Variants in NCAM2 observed in about 807,000 individuals in gnomAD.
The protein encoded by NCAM2 is neural cell adhesion molecule 2.
NCAM2 carries 30 observed loss-of-function variants against 98.1 expected under a neutral mutation model. The observed-to-expected ratio is 0.31, with a 90% CI of 0.23 to 0.41. NCAM2 has a LOEUF of 0.41. Ranked by LOEUF, NCAM2 falls within the 10% of genes least tolerant of loss-of-function variation. The pLI is 1.00. For missense variants in NCAM2, 867 were observed against 1,005.8 expected (o/e 0.86, Z 1.87); for synonymous variants, 368 against 342.4 (o/e 1.07, Z -0.83).
chr21:21,478,023 A>C (rs1230652151), intron 15 of NCAM2, among the ~76,000 whole-genome samples: 1 of 152,188 alleles, frequency 6.6e-6, no homozygotes, highest in Non-Finnish European at 1.5e-5. Context: ...CCTTTGCAAC[A>C]CACTGGTTAG....
intron 1 of NCAM2, chr21:21,210,565 G>C: frequency 7.8e-7 from 1 of 1,288,516 alleles, no homozygotes; most frequent in Non-Finnish European, 1.0e-6. Context: ...TACCACGATG[G>C]TGAGATCTGA....
chr21:21,281,761 A>C (rs2147502391), intron 2 of NCAM2, among the ~76,000 whole-genome samples: 1 of 152,036 alleles, frequency 6.6e-6, no homozygotes, highest in Non-Finnish European at 1.5e-5. Context: ...ACACTAAATC[A>C]ACTTAAAACT....
At chr21:21,281,456 T>C (rs1223182662) in intron 2 of NCAM2, among the ~76,000 whole-genome samples, 1 of 152,156 alleles carries the variant, frequency 6.6e-6, no homozygotes, top group Non-Finnish European at 1.5e-5. Flanking sequence ...ACTAGATTTT[T>C]ATGACAATGG....
At chr21:21,073,941 G>C (rs926490350) in intron 1 of NCAM2, among the ~76,000 whole-genome samples, 1 of 152,098 alleles carries the variant, frequency 6.6e-6, no homozygotes, top group African/African-American at 2.4e-5. Flanking sequence ...ACTAGCAGAG[G>C]GTCAAAAACT....
chr21:21,475,071 A>C (rs1301500280), intron 14 of NCAM2, among the ~76,000 whole-genome samples: 3 of 151,600 alleles, frequency 2.0e-5, no homozygotes, highest in African/African-American at 7.2e-5. Context: ...ATTTTTAAAA[A>C]TTTATATGAA....
At chr21:21,373,736 C>A in intron 8 of NCAM2, 127 bp from the exon 9 acceptor site, 1 of 813,290 alleles carries the variant, frequency 1.2e-6, no homozygotes, top group Non-Finnish European at 1.8e-6. Context: ...ATACTTTCTA[C>A]ATCAGGAACA....
chr21:21,155,883 A>G (rs1165595224), intron 1 of NCAM2, among the ~76,000 whole-genome samples: 1 of 152,026 alleles, frequency 6.6e-6, no homozygotes, highest in Non-Finnish European at 1.5e-5. Flanking sequence ...ATACTAGCAG[A>G]TACTTTGGGA....
At chr21:21,402,891 A>C (rs1031942817) in intron 9 of NCAM2, among the ~76,000 whole-genome samples, 2 of 152,300 alleles carry the variant, frequency 1.3e-5, no homozygotes, top group Middle Eastern at 3.4e-3. Flanking sequence ...AGTTTTTCAT[A>C]ATACATGTAC....
chr21:21,330,743 T>G (rs2074651867), intron 6 of NCAM2, among the ~76,000 whole-genome samples: 1 of 152,084 alleles, frequency 6.6e-6, no homozygotes. Context: ...TGTTTAAACA[T>G]TTATTCACGT....
intron 16 of NCAM2, among the ~76,000 whole-genome samples, chr21:21,520,761 G>C (rs1323526233): frequency 2.6e-5 from 4 of 152,118 alleles, no homozygotes; most frequent in Admixed American, 2.0e-4. Flanking sequence ...TATCAGAGCA[G>C]AAACCTGTAA....
chr21:21,342,881 G>T (rs2075082179), intron 8 of NCAM2, among the ~76,000 whole-genome samples: 1 of 152,124 alleles, frequency 6.6e-6, no homozygotes, highest in South Asian at 2.1e-4. Context: ...AGGAAACTGA[G>T]GCTCAGGAAA....
intron 9 of NCAM2, among the ~76,000 whole-genome samples, chr21:21,388,888 A>G (rs2076324360): frequency 6.6e-6 from 1 of 152,148 alleles, no homozygotes; most frequent in African/African-American, 2.4e-5. Flanking sequence ...AGGATATAAA[A>G]TATCTCACTA....
At chr21:21,484,428 T>C (rs1986169323) in intron 15 of NCAM2, among the ~76,000 whole-genome samples, 1 of 152,132 alleles carries the variant, frequency 6.6e-6, no homozygotes, top group Admixed American at 6.6e-5. Context: ...TCTTATTCTA[T>C]TTTCAAAAAC....
intron 1 of NCAM2, among the ~76,000 whole-genome samples, chr21:21,049,988 A>G (rs2146290873): frequency 6.6e-6 from 1 of 152,320 alleles, no homozygotes; most frequent in East Asian, 1.9e-4. Flanking sequence ...AGATAGCTTG[A>G]TTCATTTCCT....
At chr21:21,054,280 C>T (rs1008593039) in intron 1 of NCAM2, among the ~76,000 whole-genome samples, 5 of 151,870 alleles carry the variant, frequency 3.3e-5, no homozygotes, top group African/African-American at 1.2e-4. Flanking sequence ...TATTGGTTGT[C>T]ACCACACAGT....
At chr21:21,427,025 A>G (rs908338844) in intron 11 of NCAM2, among the ~76,000 whole-genome samples, 7 of 152,198 alleles carry the variant, frequency 4.6e-5, no homozygotes, top group Non-Finnish European at 7.3e-5. Context: ...AACTCTTCAG[A>G]TTCCTGGATC....
chr21:21,487,744 C>G (rs1377618355), intron 15 of NCAM2, among the ~76,000 whole-genome samples: 1 of 152,034 alleles, frequency 6.6e-6, no homozygotes, highest in African/African-American at 2.4e-5. Flanking sequence ...GCCTCTCTAC[C>G]CCAATCAAAA....
At chr21:21,165,338 C>A (rs2146806104) in intron 1 of NCAM2, among the ~76,000 whole-genome samples, 1 of 152,254 alleles carries the variant, frequency 6.6e-6, no homozygotes, top group Admixed American at 6.5e-5. Context: ...CTTACCTAAG[C>A]ATTTAGCACC....
chr21:21,121,108 A>G (rs2066666236), intron 1 of NCAM2, among the ~76,000 whole-genome samples: 1 of 152,172 alleles, frequency 6.6e-6, no homozygotes, highest in Non-Finnish European at 1.5e-5. Flanking sequence ...ACTACTTCAC[A>G]TGATCATTAT....
Sources: gnomAD v4.1 joint callset for allele counts (sites outside exome capture counted in the v4.1 genomes callset) on GRCh38, gnomAD v4.1.1 for gene constraint, MANE v1.5 for transcripts, NCBI Gene and HGNC (gene_info 2026-07-23, HGNC 2026-07-21) for gene names.